Variants in SLC16A2 observed in about 807,000 individuals in gnomAD.
The protein encoded by SLC16A2 is solute carrier family 16 member 2, also known as monocarboxylate transporter 8.
A neutral mutation model predicts 27.2 loss-of-function variants in SLC16A2; 3 were observed. The ratio of observed to expected loss-of-function variants is 0.11; its 90% confidence interval spans 0.05 to 0.28. The LOEUF (loss-of-function observed/expected upper bound fraction) is 0.28, where lower values mean the gene tolerates loss of function less well. Among genes scored for constraint, SLC16A2 ranks in the 10% least tolerant of loss-of-function variants. The pLI, the probability that SLC16A2 is intolerant of heterozygous loss-of-function variation, is 1.00. For synonymous variants in SLC16A2, 202 were observed against 187.8 expected (o/e 1.08, Z -0.62); for missense variants, 295 against 458.5 (o/e 0.64, Z 3.26).
intron 1 of SLC16A2, among the ~76,000 whole-genome samples, chrX:74,460,795 C>T (rs963180829): frequency 1.8e-5 from 2 of 111,146 alleles, no homozygotes; most frequent in Admixed American, 9.6e-5. Context: ...GGACTACAGG[C>T]GCCCACCACC....
chrX:74,424,699 G>C (rs1016582870), intron 1 of SLC16A2, among the ~76,000 whole-genome samples: 2 of 111,714 alleles, frequency 1.8e-5, no homozygotes, highest in Non-Finnish European at 3.8e-5. Flanking sequence ...CCATCTCTAA[G>C]AGTCTATGAA....
At chrX:74,466,761 C>T (rs1202069147) in intron 1 of SLC16A2, among the ~76,000 whole-genome samples, 1 of 112,014 alleles carries the variant, frequency 8.9e-6, no homozygotes, top group Non-Finnish European at 1.9e-5. Flanking sequence ...ACTTTCCTCA[C>T]CAAAAAGTTG....
chrX:74,423,386 C>T (rs1197967513), intron 1 of SLC16A2, among the ~76,000 whole-genome samples: 1 of 112,101 alleles, frequency 8.9e-6, no homozygotes, highest in Non-Finnish European at 1.9e-5. Context: ...ATTAAGTGAA[C>T]ATAGAAACCT....
chrX:74,500,844 T>C (rs907296326), intron 1 of SLC16A2, among the ~76,000 whole-genome samples: 2 of 111,011 alleles, frequency 1.8e-5, no homozygotes, highest in African/African-American at 3.3e-5. Flanking sequence ...GTTCTTTTAA[T>C]AATAGGTATC....
chrX:74,489,970 T>TACACACACAC (rs55975734), intron 1 of SLC16A2, among the ~76,000 whole-genome samples: 6,463 of 87,064 alleles, frequency 0.074, 358 homozygotes, highest in Middle Eastern at 0.12. Context: ...GTCACACACA[T>TACACACACAC]ACACACACAC....
chrX:74,475,166 G>A (rs1278098093), intron 1 of SLC16A2, among the ~76,000 whole-genome samples: 79 of 102,718 alleles, frequency 7.7e-4, no homozygotes, highest in African/African-American at 2.3e-3. Flanking sequence ...TTTAATGATC[G>A]CCATTCTAAC....
intron 1 of SLC16A2, among the ~76,000 whole-genome samples, chrX:74,444,729 C>T (rs979475333): frequency 8.9e-6 from 1 of 112,146 alleles, no homozygotes; most frequent in Non-Finnish European, 1.9e-5. Context: ...ACTTGGCGAG[C>T]CCTAAAGTAC....
chrX:74,435,748 AG>A (rs1434643732), intron 1 of SLC16A2, among the ~76,000 whole-genome samples: 147 of 108,478 alleles, frequency 1.4e-3, no homozygotes, highest in Non-Finnish European at 2.3e-3. Context: ...CTAAAAGTTC[AG>A]GGGCTCATGA....
At chrX:74,469,698 T>A (rs763355704) in intron 1 of SLC16A2, among the ~76,000 whole-genome samples, 7 of 111,053 alleles carry the variant, frequency 6.3e-5, no homozygotes, top group Non-Finnish European at 1.3e-4. Context: ...TTTAGATTTG[T>A]AGCAAAGTTG....
intron 2 of SLC16A2, among the ~76,000 whole-genome samples, chrX:74,523,921 T>G (rs1462914561): frequency 8.9e-6 from 1 of 111,787 alleles, no homozygotes; most frequent in Non-Finnish European, 1.9e-5. Flanking sequence ...TTTGACTTCT[T>G]GCAGACCTTT....
chrX:74,448,302 ATTTTT>A (rs144467927), intron 1 of SLC16A2, among the ~76,000 whole-genome samples: 4 of 64,246 alleles, frequency 6.2e-5, no homozygotes, highest in Non-Finnish European at 5.5e-5. Context: ...AATCCTTTGG[ATTTTT>A]TTTTTTTTTT....
chrX:74,496,662 C>T (rs774548371), intron 1 of SLC16A2, among the ~76,000 whole-genome samples: 33 of 112,631 alleles, frequency 2.9e-4, no homozygotes, highest in African/African-American at 1.1e-3. Flanking sequence ...TCTACCTTGT[C>T]ACAAGGACAG....
intron 1 of SLC16A2, among the ~76,000 whole-genome samples, chrX:74,434,213 G>T (rs1455695651): frequency 4.5e-5 from 5 of 111,833 alleles, no homozygotes; most frequent in African/African-American, 1.3e-4. Flanking sequence ...CTACAGTTGT[G>T]CTAAGTAGTT....
At chrX:74,521,611 C>T (rs1426991906) in intron 2 of SLC16A2, among the ~76,000 whole-genome samples, 1 of 112,284 alleles carries the variant, frequency 8.9e-6, no homozygotes, top group Non-Finnish European at 1.9e-5. Context: ...CTCGAGTGAG[C>T]CCATGTGAAC....
chrX:74,495,593 G>A (rs1929918610), intron 1 of SLC16A2, among the ~76,000 whole-genome samples: 1 of 108,182 alleles, frequency 9.2e-6, no homozygotes, highest in Non-Finnish European at 1.9e-5. Flanking sequence ...CCCTGGGCAG[G>A]GACCTTCTTT....
chrX:74,500,966 T>TC (rs998458538), intron 1 of SLC16A2, among the ~76,000 whole-genome samples: 1 of 108,909 alleles, frequency 9.2e-6, no homozygotes, highest in Non-Finnish European at 1.9e-5. Flanking sequence ...AAAATATGTT[T>TC]CCCCCCATTT....
chrX:74,484,178 G>A (rs1456598935), intron 1 of SLC16A2, among the ~76,000 whole-genome samples: 1 of 112,174 alleles, frequency 8.9e-6, no homozygotes, highest in Non-Finnish European at 1.9e-5. Context: ...CACGGCCCAT[G>A]ACACAGCCCT....
chrX:74,427,950 C>G (rs1251762291), intron 1 of SLC16A2, among the ~76,000 whole-genome samples: 1 of 111,151 alleles, frequency 9.0e-6, no homozygotes. Flanking sequence ...AAAGATTATG[C>G]TGTACTAGTG....
At chrX:74,511,074 A>G (rs184124874) in intron 1 of SLC16A2, among the ~76,000 whole-genome samples, 1 of 111,532 alleles carries the variant, frequency 9.0e-6, no homozygotes, top group East Asian at 2.8e-4. Flanking sequence ...CTGTCTCTAA[A>G]AAGAAAACAA....
Sources: allele counts gnomAD v4.1 joint callset (sites outside exome capture counted in the v4.1 genomes callset), GRCh38; gene constraint gnomAD v4.1.1; transcripts MANE v1.5; gene names NCBI Gene and HGNC (gene_info 2026-07-23, HGNC 2026-07-21).